The following OTOF variants were observed in gnomAD, a reference collection of about 807,000 sequenced individuals.
OTOF encodes fer-1-like family member 2.
OTOF carries 218 observed loss-of-function variants against 236.8 expected under a neutral mutation model. That is an observed-to-expected ratio of 0.92 (90% confidence interval 0.82 to 1.03). The LOEUF is 1.03. Ranked by LOEUF, OTOF falls within the 50% of genes least tolerant of loss-of-function variation. The pLI is 0.00. For missense variants in OTOF, 2,590 were observed against 2,694.4 expected, an observed-to-expected ratio of 0.96 and a Z score of 0.86; for synonymous variants, 1,041 against 1,072.5, an observed-to-expected ratio of 0.97 and a Z score of 0.57.
chr2:26,541,404 G>A (rs531745908), intron 1 of OTOF, among the ~76,000 whole-genome samples: 31 of 152,162 alleles, frequency 2.0e-4, no homozygotes, highest in Non-Finnish European at 4.1e-4. Context: ...CAAACATGAT[G>A]AGCTAAATTT....
Position 26,475,469 on chromosome 2 carries a change from T to A in OTOF, c.3016A>T (p.Thr1006Ser), listed in dbSNP as rs1184688055. Residue 1006 changes from threonine (T) to serine (S), a missense_variant, in exon 25 of 47, where the codon ACC (threonine) becomes TCC (serine). Thr to Ser is a moderately conservative substitution (Grantham distance 58, BLOSUM62 1). Coordinates refer to ENST00000272371, the MANE Select transcript of OTOF (RefSeq NM_194248.3). ...TCGAACACCAGCATCTGGTCCCAGG[T>A]GGGACACAGGGTCTCATTCAGCACC... ...TEVLNETLCP[T>S]WDQMLVFDNL... 1 of 1,612,518 alleles carries A rather than the reference T, an allele frequency of 6.2e-7. No individual in the cohort carries two copies. Among genetic ancestry groups the A allele is most frequent in the Non-Finnish European group, 8.5e-7 (1 of 1,179,826 alleles).
In OTOF at chr2:26,457,588, G is replaced by T. The variant is rs57941637; in HGVS notation, c.*650C>A. 4,653 of 160,832 alleles carry T rather than the reference G, an allele frequency of 0.029. 224 individuals are homozygous for T. The highest frequency in any genetic ancestry group is 0.1 in the African/African-American group (4,324 of 41,690). The allele number at this position is 160,832 out of a possible 1,614,324, so 10.0% of individuals were successfully genotyped here. Reference sequence around the variant, plus strand: ...GGCCCCTGCTGCGGATCAAAGACCGGTGCTATCTGCAGGGGTCACGGCGGG... The same window carrying T: ...GGCCCCTGCTGCGGATCAAAGACCGTTGCTATCTGCAGGGGTCACGGCGGG... On this transcript the variant is annotated 3_prime_UTR_variant, in exon 47 of 47. Coordinates refer to ENST00000272371, the MANE Select transcript of OTOF (RefSeq NM_194248.3). This position sits in a 1 kb window ranked among gnomAD's most constrained non-coding sequence, Gnocchi z 4.4.
intron 1 of OTOF, among the ~76,000 whole-genome samples, chr2:26,545,009 C>G (rs545936680): frequency 1.1e-4 from 17 of 150,498 alleles, no homozygotes; most frequent in African/African-American, 3.9e-4. Flanking sequence ...CCACTGCACT[C>G]CAGCCTGGGT....
In OTOF at chr2:26,460,843, G is replaced by A. The variant is rs1664428128; in HGVS notation, c.5712+9C>T. 6.2e-7 allele frequency: 1 copy of A among 1,613,918 alleles called. No homozygotes were observed. The highest frequency in any genetic ancestry group is 1.7e-5 in the Admixed American group (1 of 59,986). On this transcript the variant is annotated intron_variant, in intron 44 of 46. Transcript: ENST00000272371. This position sits in a 1 kb window ranked among gnomAD's most constrained non-coding sequence, Gnocchi z 5.3. ...CCTGCCTACTGCCCGAGCAGGAAGG[G>A]GTGCGCACCGTGAGCTCAAACTCAT...
chr2:26,483,456 C>T lies in OTOF; in HGVS notation c.1392+6G>A. Reference sequence around the variant, plus strand: ...CCCCAGCCTCCTGTACCTCATACCCCAGTACCTTCTGGCCAGCAAAGAAGA... The same window carrying T: ...CCCCAGCCTCCTGTACCTCATACCCTAGTACCTTCTGGCCAGCAAAGAAGA... On this transcript the variant is annotated splice_donor_region_variant and intron_variant, in intron 13 of 46. Coordinates refer to ENST00000272371, the MANE Select transcript of OTOF (RefSeq NM_194248.3). 3 of 1,613,408 alleles carry T rather than the reference C, an allele frequency of 1.9e-6. No individual in the cohort carries two copies. The highest frequency in any genetic ancestry group is 1.1e-5 in the South Asian group (1 of 91,070).
At position 26,474,062 on chromosome 2, in the gene OTOF, C is replaced by T. The variant is rs779794812; in HGVS notation, c.3337G>A (p.Asp1113Asn). ...GGCATGATGGGACCTCGGTCCACGT[C>T]CACCGGGCCATTGATGGGGGGCAGG... ...ADLPPINGPVDVDRGPIMPVP... is the reference protein window; with the variant it reads ...ADLPPINGPVNVDRGPIMPVP... Residue 1113 changes from aspartate (D) to asparagine (N), a missense_variant, in exon 27 of 47, where the codon GAC (aspartate) becomes AAC (asparagine). Asp to Asn is a conservative substitution (Grantham distance 23). Transcript: ENST00000272371. The T allele has an allele frequency of 5.0e-6, 8 of 1,612,876 alleles. No homozygotes were observed. The highest frequency in any genetic ancestry group is 1.7e-5 in the Admixed American group (1 of 59,996).
intron 12 of OTOF, 91 bp downstream of exon 12, chr2:26,484,383 G>A: frequency 7.4e-7 from 1 of 1,349,280 alleles, no homozygotes; most frequent in Non-Finnish European, 1.1e-6. Context: ...GGAGACGGGT[G>A]GCAGGTGCTC....
intron 36 of OTOF, 118 bp from the exon 37 acceptor site, chr2:26,466,194 C>T: frequency 7.8e-7 from 1 of 1,288,834 alleles, no homozygotes; most frequent in Non-Finnish European, 1.1e-6. Context: ...AGCACTGGAC[C>T]CCTCAGGAGG....
chr2:26,535,399 G>A (rs1327585558), intron 2 of OTOF, among the ~76,000 whole-genome samples: 2 of 152,186 alleles, frequency 1.3e-5, no homozygotes, highest in Admixed American at 6.5e-5. Context: ...TGCTGCTGGG[G>A]CTGCCACCAT....
chr2:26,466,156 T>A, intron 36 of OTOF, 80 bp from the exon 37 acceptor site: 4 of 1,579,862 alleles, frequency 2.5e-6, no homozygotes, highest in Non-Finnish European at 3.5e-6. Context: ...TGCCTGAGGG[T>A]CCTATGACAG....
At chr2:26,498,021 C>A (rs768291202) in intron 8 of OTOF, among the ~76,000 whole-genome samples, 1 of 152,206 alleles carries the variant, frequency 6.6e-6, no homozygotes, top group Non-Finnish European at 1.5e-5. Flanking sequence ...GACTGGGAAG[C>A]GGACAGACAT....
rs543760662 is a variant in OTOF, at chr2:26,477,978, A to C, written c.2215-229T>G. On this transcript the variant is annotated intron_variant, in intron 18 of 46. Transcript: ENST00000272371. The surrounding 1 kb of genome is among the most constrained non-coding windows in gnomAD (Gnocchi z 4.7). ...GGGGTTCTTCAGTTCCTGAAGGAAGAAGCCACCTCTGGGCTGTGAGTCTGT... is the reference window on the plus strand; with the variant it reads ...GGGGTTCTTCAGTTCCTGAAGGAAGCAGCCACCTCTGGGCTGTGAGTCTGT... The C allele has an allele frequency of 2.0e-6, 3 of 1,463,886 alleles. No individual in the cohort carries two copies. The South Asian group carries it at 4.4e-5, about 21-fold the overall frequency. The allele number at this position is 1,463,886 out of a possible 1,614,324, so 90.7% of individuals were successfully genotyped here.
intron 1 of OTOF, among the ~76,000 whole-genome samples, chr2:26,541,286 A>T (rs1389426084): frequency 1.3e-5 from 2 of 152,152 alleles, no homozygotes; most frequent in Non-Finnish European, 2.9e-5. Context: ...GAGGAAGTAA[A>T]ATACGTGAAA....
Position 26,472,644 on chromosome 2 carries a change from G to T in OTOF, c.3739C>A (p.Leu1247Ile). Residue 1247 changes from leucine to isoleucine, a missense_variant, in exon 30 of 47, where the codon CTT (leucine) becomes ATT (isoleucine). Leu to Ile is a conservative substitution (Grantham distance 5). This residue lies in a region of OTOF where 1,211 missense variants were observed against 1,352.8 expected (regional missense o/e 0.90). Transcript: ENST00000272371. The stretch of plus-strand genomic sequence containing the variant: ...CACAGCACACGGCAGCGCCGGAGAA[G>T]CCTGACTGGACAGATGGATAGATGG... ...SAPSWNTTVR[L>I]LRRCRVLCNG... The T allele has an allele frequency of 6.2e-7, 1 of 1,613,058 alleles. No individual in the cohort carries two copies. The highest frequency in any genetic ancestry group is 8.5e-7 in the Non-Finnish European group (1 of 1,179,912).
intron 46 of OTOF, among the ~76,000 whole-genome samples, chr2:26,459,552 C>CAAA (rs58695074): frequency 1.7e-4 from 12 of 69,088 alleles, no homozygotes; most frequent in African/African-American, 5.5e-4. Context: ...ACTCTGTCTC[C>CAAA]AAAAAAAAAA....
chr2:26,543,136 C>T (rs1018075048), intron 1 of OTOF, among the ~76,000 whole-genome samples: 2 of 152,212 alleles, frequency 1.3e-5, no homozygotes, highest in African/African-American at 4.8e-5. Flanking sequence ...TCTACAGCGA[C>T]TCTCTGAGTG....
At chr2:26,547,925 GTCA>G (rs985769213) in intron 1 of OTOF, among the ~76,000 whole-genome samples, 2 of 152,174 alleles carry the variant, frequency 1.3e-5, no homozygotes, top group East Asian at 3.8e-4. Flanking sequence ...GAAGTTTATT[GTCA>G]TCATCATCAT....
chr2:26,500,560 C>G (rs12053498), intron 8 of OTOF, among the ~76,000 whole-genome samples: 49,588 of 151,988 alleles, frequency 0.33, 9,003 homozygotes, highest in South Asian at 0.4. Flanking sequence ...GAGGGGCCGG[C>G]ATTCTCAAAC....
At chr2:26,552,961 T>C (rs1426123658) in intron 1 of OTOF, among the ~76,000 whole-genome samples, 1 of 152,130 alleles carries the variant, frequency 6.6e-6, no homozygotes, top group Non-Finnish European at 1.5e-5. Flanking sequence ...TGCAGGAGCA[T>C]TTCAGGGGTG....
Sources: allele counts gnomAD v4.1 joint callset (sites outside exome capture counted in the v4.1 genomes callset), GRCh38; gene constraint gnomAD v4.1.1; regional missense constraint gnomAD v4.1.1; non-coding constraint Gnocchi (gnomAD v3.1); transcripts MANE v1.5; gene names NCBI Gene and HGNC (gene_info 2026-07-23, HGNC 2026-07-21).